SCOC: variants seen among roughly 807,000 people sequenced by gnomAD.
SCOC encodes short coiled-coil protein, also known as short coiled coil protein.
Under a neutral mutation model 9.9 loss-of-function variants are expected in SCOC, and 7 were observed. The ratio of observed to expected loss-of-function variants is 0.71; its 90% CI spans 0.40 to 1.33. SCOC has a LOEUF of 1.33. Among genes scored for constraint, SCOC ranks in the 40% most tolerant of loss-of-function variants. The probability of loss-of-function intolerance (pLI) is 0.01; values close to 1 mark genes in which losing one functional copy is unlikely to be tolerated. For synonymous variants in SCOC, 19 were observed against 28.2 expected (o/e 0.67, Z 1.03); for missense variants, 66 against 89.7 (o/e 0.74, Z 1.07).
chr4:140,313,472 G>A (rs895004137), intron 1 of SCOC, among the ~76,000 whole-genome samples: 6 of 152,144 alleles, frequency 3.9e-5, no homozygotes, highest in African/African-American at 1.2e-4. Flanking sequence ...GGCTGGTCTC[G>A]AACTCCTGAC....
At chr4:140,276,930 A>C in intron 1 of SCOC, among the ~76,000 whole-genome samples, 1 of 152,158 alleles carries the variant, frequency 6.6e-6, no homozygotes. Flanking sequence ...ACATACCAAC[A>C]ATGTAAATGC....
chr4:140,260,126 TTGC>T (rs1730599393), intron 1 of SCOC, among the ~76,000 whole-genome samples: 1 of 152,180 alleles, frequency 6.6e-6, no homozygotes, highest in Non-Finnish European at 1.5e-5. Flanking sequence ...GTGTTTTGAG[TTGC>T]TGCCTAACTT....
At chr4:140,330,325 C>T (rs540477082) in intron 1 of SCOC, among the ~76,000 whole-genome samples, 3 of 152,212 alleles carry the variant, frequency 2.0e-5, no homozygotes, top group East Asian at 1.9e-4. Flanking sequence ...ACAGTGTACA[C>T]GGCTGGGGTG....
intron 1 of SCOC, among the ~76,000 whole-genome samples, chr4:140,267,993 A>G (rs532291503): frequency 1.3e-4 from 20 of 152,308 alleles, no homozygotes; most frequent in Non-Finnish European, 2.5e-4. Flanking sequence ...TTTGTAGGGA[A>G]ACCAACCGAC....
upstream of SCOC, among the ~76,000 whole-genome samples, chr4:140,371,165 G>A (rs964413291): frequency 2.0e-5 from 3 of 152,056 alleles, no homozygotes; most frequent in East Asian, 1.9e-4. Context: ...GATTACAGCC[G>A]TGAGCCACCG....
chr4:140,349,234 C>T (rs1726872305), intron 2 of SCOC, among the ~76,000 whole-genome samples: 2 of 152,152 alleles, frequency 1.3e-5, no homozygotes, highest in African/African-American at 2.4e-5. Flanking sequence ...AGAGCATGTG[C>T]CCGGCTCAAA....
intron 1 of SCOC, among the ~76,000 whole-genome samples, chr4:140,330,226 C>T (rs1468081033): frequency 6.6e-6 from 1 of 152,150 alleles, no homozygotes; most frequent in Non-Finnish European, 1.5e-5. Context: ...TATGTTCTCA[C>T]TCATATGTGG....
chr4:140,338,397 G>C (rs1222145971), intron 1 of SCOC, among the ~76,000 whole-genome samples: 2 of 152,202 alleles, frequency 1.3e-5, no homozygotes, highest in Non-Finnish European at 2.9e-5. Flanking sequence ...ACAAGACAGG[G>C]ATGCCCTCTG....
At chr4:140,317,173 T>G (rs1281185242) in intron 1 of SCOC, among the ~76,000 whole-genome samples, 1 of 152,154 alleles carries the variant, frequency 6.6e-6, no homozygotes, top group African/African-American at 2.4e-5. Flanking sequence ...GGGGTGTTGT[T>G]TGCCTAGATA....
upstream of SCOC, among the ~76,000 whole-genome samples, chr4:140,341,323 A>C (rs141911773): frequency 3.9e-5 from 6 of 152,278 alleles, no homozygotes; most frequent in East Asian, 1.2e-3. Flanking sequence ...GCCCTCCCTC[A>C]CATGATAATT....
chr4:140,369,209 C>A, upstream of SCOC: 1 of 316,400 alleles, frequency 3.2e-6, no homozygotes, highest in Non-Finnish European at 6.4e-6. Flanking sequence ...TACCAAATAG[C>A]TATATGGTAT....
chr4:140,303,569 G>A (rs1294095081), intron 1 of SCOC, among the ~76,000 whole-genome samples: 2 of 152,140 alleles, frequency 1.3e-5, no homozygotes, highest in Non-Finnish European at 2.9e-5. Flanking sequence ...GGGAATGTCT[G>A]GCATAGCTTT....
chr4:140,354,509 C>G (rs1370214663), intron 2 of SCOC, among the ~76,000 whole-genome samples: 1 of 103,730 alleles, frequency 9.6e-6, no homozygotes, highest in African/African-American at 3.6e-5. Context: ...TCTCAAAGAA[C>G]TTTTTTTTTT....
intron 2 of SCOC, among the ~76,000 whole-genome samples, chr4:140,363,372 A>T (rs953657265): frequency 3.9e-5 from 6 of 152,160 alleles, no homozygotes; most frequent in African/African-American, 9.7e-5. Context: ...ATAATGGAAA[A>T]TTTTTTGGAG....
At chr4:140,322,260 C>T (rs1732522742) in intron 1 of SCOC, among the ~76,000 whole-genome samples, 1 of 152,070 alleles carries the variant, frequency 6.6e-6, no homozygotes, top group African/African-American at 2.4e-5. Flanking sequence ...GAGGCTGAAA[C>T]AGTTTTGGAG....
intron 2 of SCOC, among the ~76,000 whole-genome samples, chr4:140,357,333 T>C (rs917071124): frequency 6.6e-6 from 1 of 152,216 alleles, no homozygotes; most frequent in East Asian, 1.9e-4. Context: ...CTGCCTTGAA[T>C]TATTCAAATT....
chr4:140,289,034 C>T (rs1731389749), intron 1 of SCOC, among the ~76,000 whole-genome samples: 1 of 152,088 alleles, frequency 6.6e-6, no homozygotes, highest in African/African-American at 2.4e-5. Flanking sequence ...ACACTCACTA[C>T]TACACAACAT....
chr4:140,284,619 G>A (rs1731177356), intron 1 of SCOC: 1 of 152,492 alleles, frequency 6.6e-6, no homozygotes, highest in Admixed American at 6.5e-5. Flanking sequence ...GTGCAGAGCT[G>A]CGCTCTGAAG....
chr4:140,359,283 A>T (rs1727362520), intron 2 of SCOC, among the ~76,000 whole-genome samples: 2 of 152,074 alleles, frequency 1.3e-5, no homozygotes, highest in African/African-American at 4.8e-5. Context: ...CCACGGTGGA[A>T]GCTGGCTGCT....
Sources: gnomAD v4.1 joint callset for allele counts (sites outside exome capture counted in the v4.1 genomes callset) on GRCh38, gnomAD v4.1.1 for gene constraint, MANE v1.5 for transcripts, NCBI Gene and HGNC (gene_info 2026-07-23, HGNC 2026-07-21) for gene names.